Variants in ABHD14B observed in about 807,000 individuals in gnomAD.
ABHD14B encodes the protein abhydrolase domain containing 14B.
A neutral mutation model predicts 15.4 loss-of-function variants in ABHD14B; 19 were observed. That is an observed-to-expected ratio of 1.23 (90% CI 0.86 to 1.81). The LOEUF (loss-of-function observed/expected upper bound fraction) is 1.81. Ranked by LOEUF, ABHD14B falls within the 40% of genes most tolerant of loss-of-function variation. ABHD14B has a pLI of 0.00. For missense variants in ABHD14B, 243 were observed against 267.0 expected (o/e 0.91, Z 0.63); for synonymous variants, 92 against 117.3 (o/e 0.78, Z 1.39).
At chr3:51,970,270 C>A in intron 2 of ABHD14B, 86 bp from the exon 3 acceptor site, 1 of 1,504,768 alleles carries the variant, frequency 6.6e-7, no homozygotes, top group Non-Finnish European at 8.9e-7. Flanking sequence ...AGGAAGCCCT[C>A]CTAGGTCAGT....
intron 1 of ABHD14B, among the ~76,000 whole-genome samples, chr3:51,972,102 C>T (rs894439631): frequency 6.6e-6 from 1 of 150,490 alleles, no homozygotes; most frequent in Non-Finnish European, 1.5e-5. Flanking sequence ...AAAAAATTAG[C>T]CAGGTGTGGT....
At chr3:51,973,057 T>C (rs1227917500) in intron 1 of ABHD14B, among the ~76,000 whole-genome samples, 2 of 150,478 alleles carry the variant, frequency 1.3e-5, no homozygotes, top group Non-Finnish European at 3.0e-5. Flanking sequence ...TTTTTTTTTT[T>C]TTTTTTGAGA....
Position 51,970,100 on chromosome 3 carries a change from G to A in ABHD14B, c.296C>T (p.Ala99Val). ...PGSFLAAVVD[A>V]LELGPPVVIS... ...CACAACCGGGGGGCCCAGCTCCAAGGCATCCACCACAGCCGCCAGGAAGCT... is the reference window on the plus strand; with the variant it reads ...CACAACCGGGGGGCCCAGCTCCAAGACATCCACCACAGCCGCCAGGAAGCT... Residue 99 changes from alanine to valine, a missense_variant, in exon 3 of 4, where the codon GCC (alanine) becomes GTC (valine). Coordinates refer to ENST00000361143, the MANE Select transcript of ABHD14B (RefSeq NM_001146314.2). The A allele has an allele frequency of 6.3e-7, 1 of 1,595,958 alleles. No individual in the cohort carries two copies. Among genetic ancestry groups the A allele is most frequent in the Non-Finnish European group, 8.6e-7 (1 of 1,169,580 alleles).
chr3:51,972,354 G>A lies in ABHD14B; in HGVS notation c.-28-656C>T, dbSNP rs1700674064. On this transcript the variant is annotated intron_variant, in intron 1 of 3. Coordinates refer to ENST00000361143, the MANE Select transcript of ABHD14B (RefSeq NM_001146314.2). ...GGAGGCCGAGGCGGGCGGATCACCT[G>A]AGGTCAGGAGTTCGAGATCTCCCTG... 2.0e-5 allele frequency among the ~76,000 whole-genome samples: 3 copies of A among 151,884 alleles called. No homozygotes were observed. In the South Asian group the frequency reaches 6.2e-4, roughly 32 times the overall value.
rs1222760504 is a variant in ABHD14B, at chr3:51,972,055, GCC to G, written c.-28-359_-28-358del. ...AGGTCAGGAGTTCAAGACCACCCTG[GCC>G]AACATGGTGGAACCCCGTCTCTACT... On this transcript the variant is annotated intron_variant, in intron 1 of 3. Transcript: ENST00000361143. Among the ~76,000 whole-genome samples, 22 of 123,474 alleles carry G rather than the reference GCC, an allele frequency of 1.8e-4. No individual in the cohort carries two copies. The East Asian group carries it at 1.8e-3, about 10-fold the overall frequency. 81.0% of individuals were successfully genotyped at this position (123,474 alleles called of 152,430 possible).
intron 1 of ABHD14B, among the ~76,000 whole-genome samples, chr3:51,972,327 TG>T (rs1453993286): frequency 1.3e-5 from 2 of 151,486 alleles, no homozygotes; most frequent in Non-Finnish European, 2.9e-5. Flanking sequence ...CCCAGCATTT[TG>T]GGAGGCCGAG....
chr3:51,972,133 G>C (rs961789696), intron 1 of ABHD14B, among the ~76,000 whole-genome samples: 1 of 146,786 alleles, frequency 6.8e-6, no homozygotes, highest in African/African-American at 2.5e-5. Context: ...TGTAGTCCCA[G>C]CTACTCAGCA....
chr3:51,973,722 G>C (rs1700711861), intron 1 of ABHD14B: 1 of 757,854 alleles, frequency 1.3e-6, no homozygotes, highest in South Asian at 1.5e-5. Flanking sequence ...AGTGGGAAAG[G>C]CGACCCGCCG....
chr3:51,969,576 C>A lies in ABHD14B; in HGVS notation c.483G>T (p.Gln161His), dbSNP rs745597870. Residue 161 changes from glutamine to histidine, a missense_variant, in exon 4 of 4, where the codon CAG (glutamine) becomes CAT (histidine). Transcript: ENST00000361143. Reference protein sequence around the residue: ...KTPALIVYGDQDPMGQTSFEH... With the variant: ...KTPALIVYGDHDPMGQTSFEH... ...CAAAGCTGGTCTGACCCATGGGGTC[C>A]TGGTCTCCATATACAATCAGAGCTG... is the stretch of plus-strand genomic sequence containing the variant. 1.9e-6 allele frequency: 3 copies of A among 1,613,540 alleles called. No individual in the cohort carries two copies. The highest frequency in any genetic ancestry group is 2.7e-5 in the African/African-American group (2 of 74,902).
At chr3:51,970,333 A>C in intron 2 of ABHD14B, 149 bp from the exon 3 acceptor site, 1 of 1,050,834 alleles carries the variant, frequency 9.5e-7, no homozygotes, top group East Asian at 2.6e-5. Flanking sequence ...TTATTCCTAC[A>C]GTAGCCTCAT....
chr3:51,973,519 C>CTT (rs529939216), intron 1 of ABHD14B, among the ~76,000 whole-genome samples: 6 of 120,906 alleles, frequency 5.0e-5, no homozygotes, highest in Non-Finnish European at 5.1e-5. Context: ...TTTTTTTTTT[C>CTT]TTTTTTTTTT....
chr3:51,969,806 A>G (rs767029304), intron 3 of ABHD14B, 137 bp downstream of exon 3: 33 of 1,530,028 alleles, frequency 2.2e-5, no homozygotes, highest in Middle Eastern at 1.7e-4. Flanking sequence ...TGCTGAGTAA[A>G]CCAAAAGGGT....
At chr3:51,969,717 C>G in intron 3 of ABHD14B, 112 bp from the exon 4 acceptor site, 1 of 1,442,184 alleles carries the variant, frequency 6.9e-7, no homozygotes, top group Non-Finnish European at 9.5e-7. Flanking sequence ...GGGAGAGAGA[C>G]AAGCTGGCCC....
rs754008712 is a variant in ABHD14B, at chr3:51,971,483, C to T, written c.188G>A (p.Arg63Gln). The T allele has an allele frequency of 9.4e-6, 15 of 1,598,104 alleles. No individual in the cohort carries two copies. Among genetic ancestry groups the T allele is most frequent in the South Asian group, 3.3e-5 (3 of 90,076 alleles). Residue 63 changes from arginine (R) to glutamine (Q), a missense_variant, in exon 2 of 4, where the codon CGG (arginine) becomes CAG (glutamine). Coordinates refer to ENST00000361143, the MANE Select transcript of ABHD14B (RefSeq NM_001146314.2). Reference sequence around the variant, plus strand: ...ACCTGGCAGGTCAATGGCCACAGCCCGGTAGCCAGCCTGGGCCAGCCTGTG... The same window carrying T: ...ACCTGGCAGGTCAATGGCCACAGCCTGGTAGCCAGCCTGGGCCAGCCTGTG... ...TLHRLAQAGY[R>Q]AVAIDLPGLG...
intron 1 of ABHD14B, among the ~76,000 whole-genome samples, chr3:51,973,138 G>A (rs1422564152): frequency 6.6e-6 from 1 of 150,398 alleles, no homozygotes; most frequent in African/African-American, 2.5e-5. Flanking sequence ...TCCGCCTCCC[G>A]GGTTCACGCC....
rs756271218 is a variant in ABHD14B, at chr3:51,970,139, TC to T, written c.256del (p.Glu86SerfsTer22). 1 of 1,566,382 alleles carries T rather than the reference TC, an allele frequency of 6.4e-7. No homozygotes were observed. Among genetic ancestry groups the T allele is most frequent in the East Asian group, 2.2e-5 (1 of 44,598 alleles). ...KEAAAPAPIG[E>X]LAPGSFLAAV... is the part of the protein sequence containing the mutation. ...CGCCAGGAAGCTGCCAGGGGCCAGC[TC>T]CCCAATAGGGGCAGGGGCTGCTGCT... On this transcript the variant is annotated frameshift_variant, in exon 3 of 4. Transcript: ENST00000361143. LOFTEE classifies it high-confidence loss of function.
chr3:51,972,530 G>A (rs987361709), intron 1 of ABHD14B, among the ~76,000 whole-genome samples: 4 of 152,256 alleles, frequency 2.6e-5, no homozygotes, highest in African/African-American at 7.2e-5. Context: ...CCGAGAACGC[G>A]CCATTGCACT....
intron 3 of ABHD14B, 43 bp downstream of exon 3, chr3:51,969,900 C>G (rs1700621022): frequency 6.2e-7 from 1 of 1,614,004 alleles, no homozygotes; most frequent in South Asian, 1.1e-5. Flanking sequence ...TGCACCCTTC[C>G]TTGCTCCTGG....
Position 51,969,955 on chromosome 3 carries a change from A to G in ABHD14B, c.441T>C (p.Tyr147=). 6.2e-7 allele frequency: 1 copy of G among 1,614,210 alleles called. No individual in the cohort carries two copies. The highest frequency in any genetic ancestry group is 8.5e-7 in the Non-Finnish European group (1 of 1,180,024). The stretch of plus-strand genomic sequence containing the variant: ...CACACAAGGGTACCTTCACACTGGC[A>G]TAGTTGGCAGCATTGATTTTGTCAG... ...ICTDKINAAN[Y]ASVKTPALIV... is the part of the protein sequence containing the mutation. The change falls in exon 3 of 4, where the codon TAT becomes TAC. Residue 147 remains tyrosine, a synonymous_variant. Transcript: ENST00000361143.
Sources: allele counts gnomAD v4.1 joint callset (sites outside exome capture counted in the v4.1 genomes callset), GRCh38; gene constraint gnomAD v4.1.1; transcripts MANE v1.5; gene names NCBI Gene and HGNC (gene_info 2026-07-23, HGNC 2026-07-21).